Variants in GDAP2 observed in about 807,000 individuals in gnomAD.
The protein encoded by GDAP2 is ganglioside induced differentiation associated protein 2.
Under a neutral mutation model 67.0 loss-of-function variants are expected in GDAP2, and 51 were observed. That is an observed-to-expected ratio of 0.76 (90% CI 0.61 to 0.96). The LOEUF (loss-of-function observed/expected upper bound fraction) is 0.96. Ranked by LOEUF, GDAP2 falls within the 40% of genes least tolerant of loss-of-function variation. GDAP2 has a pLI of 0.00. For synonymous variants in GDAP2, 203 were observed against 207.3 expected (o/e 0.98, Z 0.18); for missense variants, 547 against 588.3 (o/e 0.93, Z 0.73).
chr1:117,895,471 T>C (rs1649232396), intron 8 of GDAP2, among the ~76,000 whole-genome samples: 1 of 152,264 alleles, frequency 6.6e-6, no homozygotes, highest in African/African-American at 2.4e-5. Context: ...GTGATAAATA[T>C]TGATAGATAC....
intron 8 of GDAP2, among the ~76,000 whole-genome samples, chr1:117,894,730 G>A (rs1421536824): frequency 1.3e-5 from 2 of 152,086 alleles, no homozygotes; most frequent in African/African-American, 4.8e-5. Context: ...GCAAACTGTA[G>A]TTATTCAACA....
At chr1:117,918,822 T>C (rs1178314075) in intron 2 of GDAP2, 86 bp from the exon 3 acceptor site, 1 of 1,115,686 alleles carries the variant, frequency 9.0e-7, no homozygotes, top group Non-Finnish European at 1.3e-6. Flanking sequence ...ATTTTATCCT[T>C]GTCTTTTTCA....
At chr1:117,880,438 A>G (rs1648613623) in intron 12 of GDAP2, among the ~76,000 whole-genome samples, 1 of 152,208 alleles carries the variant, frequency 6.6e-6, no homozygotes, top group Non-Finnish European at 1.5e-5. Flanking sequence ...AAAGCAGGAT[A>G]ACCACACTGG....
chr1:117,898,368 T>C (rs1649331261), intron 7 of GDAP2, among the ~76,000 whole-genome samples: 1 of 152,218 alleles, frequency 6.6e-6, no homozygotes, highest in South Asian at 2.1e-4. Context: ...TTGATTAAAG[T>C]TTATGTACTT....
intron 6 of GDAP2, among the ~76,000 whole-genome samples, chr1:117,903,761 G>T (rs372727695): frequency 4.6e-5 from 7 of 152,204 alleles, no homozygotes; most frequent in African/African-American, 1.7e-4. Context: ...ACAGAGTTGA[G>T]AATTCGTAAT....
At position 117,867,216 on chromosome 1, in the gene GDAP2, A is replaced by G. The variant is rs2101110732; in HGVS notation, c.*3353T>C. On this transcript the variant is annotated 3_prime_UTR_variant, in exon 14 of 14. Transcript: ENST00000369443. ...AATATCCAAGCAAACAGAAAAGAAG[A>G]GGAAATAGGCAAGCCATGTTTTTCT... The G allele has an allele frequency of 6.6e-6, 1 of 152,328 alleles. No individual in the cohort carries two copies. Among genetic ancestry groups the G allele is most frequent in the South Asian group, 2.1e-4 (1 of 4,830 alleles). 9.4% of individuals were successfully genotyped at this position (152,328 alleles called of 1,614,324 possible). A position where few individuals can be genotyped will look rare whatever the true frequency, so the allele number is the denominator to read the frequency against.
chr1:117,899,244 G>GA (rs1490925351), intron 6 of GDAP2, 28 bp from the exon 7 acceptor site: 10 of 1,552,866 alleles, frequency 6.4e-6, no homozygotes, highest in Non-Finnish European at 8.9e-7. Flanking sequence ...GACATTCTGT[G>GA]AAAAATAGAA....
rs763628695 is a variant in GDAP2 at position 117,870,584 on chromosome 1, T to C, written c.1479A>G (p.Pro493=). 1.1e-5 allele frequency: 17 copies of C among 1,606,112 alleles called. No homozygotes were observed. The highest frequency in any genetic ancestry group is 3.3e-5 in the South Asian group (3 of 90,894). The change falls in exon 14 of 14, where the codon CCA becomes CCG. Residue 493 remains proline, a synonymous_variant. Transcript: ENST00000369443. ...AGATGGCAGGTCACAAATCTGGTGA[T>C]GGGGGATATGATGTATAGTAAGGCC... is the stretch of plus-strand genomic sequence containing the variant. ...ENGPYYTSYP[P]SPDL
intron 3 of GDAP2, among the ~76,000 whole-genome samples, chr1:117,917,574 G>C (rs1489911515): frequency 1.3e-5 from 2 of 152,190 alleles, no homozygotes; most frequent in Admixed American, 1.3e-4. Flanking sequence ...CCCCATTTTA[G>C]AGATGAGGAA....
chr1:117,899,403 T>C (rs561801864), intron 6 of GDAP2, among the ~76,000 whole-genome samples, 187 bp from the exon 7 acceptor site: 1 of 152,300 alleles, frequency 6.6e-6, no homozygotes, highest in South Asian at 2.1e-4. Context: ...ATAAGGATAT[T>C]GTTATCTAGC....
At chr1:117,878,929 C>T (rs1316891271) in intron 12 of GDAP2, among the ~76,000 whole-genome samples, 1 of 152,156 alleles carries the variant, frequency 6.6e-6, no homozygotes, top group African/African-American at 2.4e-5. Context: ...GTTGCTATCC[C>T]CATTTTACTT....
In GDAP2 at chr1:117,899,085, T is replaced by C. The variant is rs1649356475; in HGVS notation, c.768A>G (p.Arg256=). The C allele has an allele frequency of 6.2e-7, 1 of 1,613,546 alleles. No homozygotes were observed. The highest frequency in any genetic ancestry group is 8.5e-7 in the Non-Finnish European group (1 of 1,179,618). ...GEPVVPERQI[R]ISEKPGAPED... ...CTGGAGCACCAGGTTTCTCACTTAT[T>C]CTAATCTGTCGTTCAGGTACCACAG... Residue 256 remains arginine (R), a synonymous_variant, in exon 7 of 14, where the codon AGA becomes AGG. Transcript: ENST00000369443.
At chr1:117,887,625 T>A (rs1368876069) in intron 9 of GDAP2, 73 bp downstream of exon 9, 1 of 818,558 alleles carries the variant, frequency 1.2e-6, no homozygotes, top group Non-Finnish European at 2.2e-6. Flanking sequence ...CAGAGAAAAA[T>A]GAATTCTCAA....
At chr1:117,886,358 A>G (rs192957410) in intron 10 of GDAP2, among the ~76,000 whole-genome samples, 1 of 152,268 alleles carries the variant, frequency 6.6e-6, no homozygotes, top group African/African-American at 2.4e-5. Context: ...TGGAGATCAC[A>G]TTACTGTATT....
chr1:117,922,472 T>C (rs1650287518), intron 1 of GDAP2, among the ~76,000 whole-genome samples: 3 of 152,216 alleles, frequency 2.0e-5, no homozygotes, highest in South Asian at 4.1e-4. Context: ...CAAGGGAACA[T>C]GCCCCCGATA....
intron 1 of GDAP2, among the ~76,000 whole-genome samples, chr1:117,922,190 T>A (rs573547754): frequency 1.2e-4 from 18 of 152,154 alleles, no homozygotes; most frequent in Admixed American, 3.3e-4. Flanking sequence ...ATTCTCAGCA[T>A]ATGGATGGTA....
At chr1:117,920,685 T>C (rs1421639159) in intron 1 of GDAP2, among the ~76,000 whole-genome samples, 1 of 147,442 alleles carries the variant, frequency 6.8e-6, no homozygotes, top group East Asian at 2.1e-4. Flanking sequence ...CCACCAATTC[T>C]ACTTTCCAGA....
Position 117,868,253 on chromosome 1 carries a change from A to T in GDAP2, c.*2316T>A, listed in dbSNP as rs1648142438. 6.6e-6 allele frequency: 1 copy of T among 152,222 alleles called. No homozygotes were observed. Among genetic ancestry groups the T allele is most frequent in the African/African-American group, 2.4e-5 (1 of 41,454 alleles). The allele number at this position is 152,222 out of a possible 1,614,324, so 9.4% of individuals were successfully genotyped here. On this transcript the variant is annotated 3_prime_UTR_variant, in exon 14 of 14. Coordinates refer to ENST00000369443, the MANE Select transcript of GDAP2 (RefSeq NM_017686.4). Reference sequence around the variant, plus strand: ...AACTTCATTCTATAACACTTTAGACATCTATAAAAGCATGAACTTGGTCCC... The same window carrying T: ...AACTTCATTCTATAACACTTTAGACTTCTATAAAAGCATGAACTTGGTCCC...
intron 11 of GDAP2, 120 bp downstream of exon 11, chr1:117,883,368 T>C (rs1039673664): frequency 5.8e-6 from 4 of 694,530 alleles, no homozygotes; most frequent in African/African-American, 3.6e-5. Flanking sequence ...AATCTAGGTA[T>C]GATAAAAGTC....
Sources: gnomAD v4.1 joint callset for allele counts (sites outside exome capture counted in the v4.1 genomes callset) on GRCh38, gnomAD v4.1.1 for gene constraint, MANE v1.5 for transcripts, NCBI Gene and HGNC (gene_info 2026-07-23, HGNC 2026-07-21) for gene names.